The following NCAM1 variants were observed in gnomAD, a reference collection of about 807,000 sequenced individuals.
NCAM1 encodes antigen recognized by monoclonal antibody 5.1H11.
Under a neutral mutation model 109.8 loss-of-function variants are expected in NCAM1, and 14 were observed. That is an observed-to-expected ratio of 0.13 (90% CI 0.08 to 0.20). The LOEUF (loss-of-function observed/expected upper bound fraction) is 0.20. Among genes scored for constraint, NCAM1 ranks in the 10% least tolerant of loss-of-function variants. The probability of loss-of-function intolerance (pLI) is 1.00; values close to 1 mark genes in which losing one functional copy is unlikely to be tolerated. For missense variants in NCAM1, 774 were observed against 1,109.9 expected (o/e 0.70, Z 4.30); for synonymous variants, 418 against 442.9 (o/e 0.94, Z 0.70).
chr11:113,232,890 G>T, intron 12 of NCAM1, 76 bp downstream of exon 12: 1 of 1,319,042 alleles, frequency 7.6e-7, no homozygotes. Context: ...TTGTGTACTT[G>T]AGTGATTCCA....
At chr11:113,033,639 C>T (rs947808294) in intron 1 of NCAM1, among the ~76,000 whole-genome samples, 117 of 152,328 alleles carry the variant, frequency 7.7e-4, no homozygotes, top group African/African-American at 2.7e-3. Context: ...TGTGGATCTA[C>T]GCTTCCTTCT....
At chr11:113,258,146 A>G (rs566290155) in intron 16 of NCAM1, among the ~76,000 whole-genome samples, 1 of 152,352 alleles carries the variant, frequency 6.6e-6, no homozygotes, top group African/African-American at 2.4e-5. Context: ...GCAGCCTGTC[A>G]TGCAATAAAC....
At chr11:113,064,494 A>C (rs1393311783) in intron 1 of NCAM1, among the ~76,000 whole-genome samples, 8 of 152,166 alleles carry the variant, frequency 5.3e-5, no homozygotes, top group African/African-American at 1.9e-4. Flanking sequence ...TCTTCTTGAA[A>C]TTATTTTTCC....
chr11:113,084,567 A>G (rs1425187841), intron 1 of NCAM1, among the ~76,000 whole-genome samples: 1 of 152,210 alleles, frequency 6.6e-6, no homozygotes. Context: ...AAAAATAATG[A>G]TGGTGCATCT....
intron 17 of NCAM1, chr11:113,264,391 A>G (rs1005949174): frequency 3.5e-5 from 34 of 985,224 alleles, no homozygotes; most frequent in Non-Finnish European, 4.0e-5. Flanking sequence ...TCACGTGCAG[A>G]CATCAGAGGC....
intron 7 of NCAM1, among the ~76,000 whole-genome samples, chr11:113,209,706 T>C (rs1050229659): frequency 3.9e-4 from 60 of 152,212 alleles, no homozygotes; most frequent in African/African-American, 1.4e-3. Context: ...GTTTACAAGA[T>C]GAATAACATG....
At chr11:113,138,330 T>C (rs1378720832) in intron 1 of NCAM1, among the ~76,000 whole-genome samples, 1 of 152,322 alleles carries the variant, frequency 6.6e-6, no homozygotes, top group East Asian at 1.9e-4. Context: ...TCCCCGCATT[T>C]CCTATTCTTT....
At chr11:113,006,679 G>C (rs1210999032) in intron 1 of NCAM1, among the ~76,000 whole-genome samples, 1 of 152,076 alleles carries the variant, frequency 6.6e-6, no homozygotes, top group African/African-American at 2.4e-5. Flanking sequence ...TTTTTGTATA[G>C]TCAAAATTGA....
intron 1 of NCAM1, among the ~76,000 whole-genome samples, chr11:113,031,099 C>G (rs1952699615): frequency 6.6e-6 from 1 of 152,160 alleles, no homozygotes; most frequent in Admixed American, 6.5e-5. Context: ...AGCCTCTGGC[C>G]ACAATATTTT....
intron 1 of NCAM1, among the ~76,000 whole-genome samples, chr11:113,105,834 G>A (rs533233190): frequency 6.6e-6 from 1 of 152,100 alleles, no homozygotes; most frequent in African/African-American, 2.4e-5. Context: ...TAGTGGCGCT[G>A]GTTGCCCAAC....
chr11:113,037,879 A>G (rs1360395199), intron 1 of NCAM1, among the ~76,000 whole-genome samples: 6 of 152,094 alleles, frequency 3.9e-5, no homozygotes, highest in Admixed American at 3.9e-4. Flanking sequence ...ATCTCCTGAA[A>G]ATACAGCTCT....
chr11:113,156,322 C>T (rs549642766), intron 1 of NCAM1, among the ~76,000 whole-genome samples: 15 of 152,130 alleles, frequency 9.9e-5, no homozygotes, highest in African/African-American at 3.1e-4. Flanking sequence ...GTAGTAGCAG[C>T]CCATTGAGAT....
At chr11:113,088,487 C>A (rs532925869) in intron 1 of NCAM1, among the ~76,000 whole-genome samples, 13 of 152,334 alleles carry the variant, frequency 8.5e-5, no homozygotes, top group African/African-American at 2.9e-4. Flanking sequence ...TCCAAACTGA[C>A]TGACCATGTA....
At chr11:113,148,842 G>A in intron 1 of NCAM1, among the ~76,000 whole-genome samples, 1 of 152,142 alleles carries the variant, frequency 6.6e-6, no homozygotes, top group East Asian at 1.9e-4. Context: ...CCCCTCTGCT[G>A]CGCTGCTTCT....
intron 1 of NCAM1, among the ~76,000 whole-genome samples, chr11:113,004,968 C>CGA (rs1229014540): frequency 6.6e-6 from 1 of 151,882 alleles, no homozygotes; most frequent in Non-Finnish European, 1.5e-5. Context: ...GAAGGGATGT[C>CGA]TTTCAACTCC....
At chr11:113,150,120 A>T (rs1350390407) in intron 1 of NCAM1, among the ~76,000 whole-genome samples, 2 of 152,262 alleles carry the variant, frequency 1.3e-5, no homozygotes, top group South Asian at 2.1e-4. Flanking sequence ...TTAAAATAAA[A>T]AAATAAATAA....
chr11:113,185,079 T>TATATATATATATATATAGAGAGTG, intron 1 of NCAM1, among the ~76,000 whole-genome samples: 1 of 125,760 alleles, frequency 8.0e-6, no homozygotes, highest in Admixed American at 7.9e-5. Context: ...TATATATATA[T>TATATATATATATATATAGAGAGTG]AGAGAGAGAG....
chr11:113,108,531 G>T (rs907439572), intron 1 of NCAM1, among the ~76,000 whole-genome samples: 1 of 152,152 alleles, frequency 6.6e-6, no homozygotes, highest in African/African-American at 2.4e-5. Flanking sequence ...TGATTAAAAT[G>T]TGTAAGTTAG....
At chr11:113,224,670 G>T (rs1426753308) in intron 9 of NCAM1, among the ~76,000 whole-genome samples, 1 of 152,206 alleles carries the variant, frequency 6.6e-6, no homozygotes, top group African/African-American at 2.4e-5. Flanking sequence ...TAGCCTAACT[G>T]GGAGGCACCC....
Sources: allele counts gnomAD v4.1 joint callset (sites outside exome capture counted in the v4.1 genomes callset), GRCh38; gene constraint gnomAD v4.1.1; transcripts MANE v1.5; gene names NCBI Gene and HGNC (gene_info 2026-07-23, HGNC 2026-07-21).